The following EDC3 variants were observed in gnomAD, a reference collection of about 807,000 sequenced individuals.
The protein encoded by EDC3 is enhancer of mRNA decapping 3, also known as enhancer of mRNA-decapping protein 3.
Under a neutral mutation model 41.8 loss-of-function variants are expected in EDC3, and 20 were observed. The observed-to-expected ratio is 0.48, with a 90% CI of 0.34 to 0.70. The LOEUF is 0.70. Among genes scored for constraint, EDC3 ranks in the 30% least tolerant of loss-of-function variants. EDC3 has a pLI of 0.01. For synonymous variants in EDC3, 206 were observed against 243.2 expected (o/e 0.85, Z 1.42); for missense variants, 444 against 636.8 (o/e 0.70, Z 3.26).
At chr15:74,689,522 C>CTTTTTTTTTTTTTTTTT (rs938561821) in intron 1 of EDC3, among the ~76,000 whole-genome samples, 1 of 146,596 alleles carries the variant, frequency 6.8e-6, no homozygotes. Context: ...CCCTCCATTT[C>CTTTTTTTTTTTTTTTTT]TTTTTTTTTT....
intron 3 of EDC3, among the ~76,000 whole-genome samples, chr15:74,667,028 T>A (rs986706364): frequency 1.3e-5 from 2 of 152,164 alleles, no homozygotes; most frequent in African/African-American, 2.4e-5. Context: ...CACATTCTGT[T>A]TGATAGTCTC....
chr15:74,681,332 T>C (rs1207898880), intron 1 of EDC3, among the ~76,000 whole-genome samples: 1 of 152,098 alleles, frequency 6.6e-6, no homozygotes, highest in Non-Finnish European at 1.5e-5. Context: ...TTTGTATTTT[T>C]AGTAGAGACA....
chr15:74,673,763 C>T (rs1250708951), intron 2 of EDC3, among the ~76,000 whole-genome samples: 1 of 151,490 alleles, frequency 6.6e-6, no homozygotes, highest in African/African-American at 2.4e-5. Context: ...TGGCATGAAC[C>T]CGGGAGATGG....
intron 2 of EDC3, among the ~76,000 whole-genome samples, chr15:74,672,004 G>A (rs1258847030): frequency 7.9e-5 from 12 of 151,992 alleles, no homozygotes; most frequent in African/African-American, 2.9e-4. Context: ...GCTCACGCCT[G>A]TAATCCCAGC....
At chr15:74,657,399 C>T (rs570953768) in intron 3 of EDC3, among the ~76,000 whole-genome samples, 2 of 152,326 alleles carry the variant, frequency 1.3e-5, no homozygotes, top group South Asian at 4.1e-4. Flanking sequence ...GAGTTTGATC[C>T]CACTGGCACT....
At position 74,648,135 on chromosome 15, in the gene EDC3, G is replaced by A. The variant is rs970996828; in HGVS notation, c.821-7516C>T. On this transcript the variant is annotated intron_variant, in intron 4 of 6. Coordinates refer to ENST00000315127, the MANE Select transcript of EDC3 (RefSeq NM_025083.5). ...TGCAAGAGTACAACAGCTGCCAAAGGAGACCTCACTACCTCCAGGTAAAAT... is the reference window on the plus strand; with the variant it reads ...TGCAAGAGTACAACAGCTGCCAAAGAAGACCTCACTACCTCCAGGTAAAAT... 2.0e-5 allele frequency among the ~76,000 whole-genome samples: 3 copies of A among 152,176 alleles called. No individual in the cohort carries two copies. In the East Asian group the frequency reaches 5.8e-4, roughly 29 times the overall value.
Position 74,630,754 on chromosome 15 carries a change from G to C in EDC3, c.*1858C>G, listed in dbSNP as rs1431074449. On this transcript the variant is annotated 3_prime_UTR_variant, in exon 7 of 7. Transcript: ENST00000315127. ...GGGAAGGCCCAGGCTAAGGATGAGG[G>C]CAGGGACCAGTCCCAGTGCCCCCTG... 1 of 152,260 alleles carries C rather than the reference G, an allele frequency of 6.6e-6. No individual in the cohort carries two copies. The highest frequency in any genetic ancestry group is 1.5e-5 in the Non-Finnish European group (1 of 68,094). The allele number at this position is 152,260 out of a possible 1,614,324, so 9.4% of individuals were successfully genotyped here. A position where few individuals can be genotyped will look rare whatever the true frequency, so the allele number is the denominator to read the frequency against.
At chr15:74,674,909 A>T (rs2062784457) in intron 2 of EDC3, 52 bp downstream of exon 2, 1 of 1,604,978 alleles carries the variant, frequency 6.2e-7, no homozygotes, top group African/African-American at 1.3e-5. Flanking sequence ...ACCTAGGTTC[A>T]AGCTCCACAG....
intron 4 of EDC3, chr15:74,644,112 A>G (rs144261884): frequency 5.9e-5 from 9 of 152,276 alleles, no homozygotes; most frequent in Admixed American, 2.6e-4. Context: ...AGGATTTGTT[A>G]TAAGAAACCT....
chr15:74,667,382 G>T (rs2062686991), intron 3 of EDC3, among the ~76,000 whole-genome samples: 1 of 149,276 alleles, frequency 6.7e-6, no homozygotes, highest in African/African-American at 2.5e-5. Flanking sequence ...CAGCTATAAG[G>T]GTGACACCCA....
intron 4 of EDC3, chr15:74,640,840 G>A: frequency 1.7e-6 from 1 of 573,262 alleles, no homozygotes; most frequent in South Asian, 2.1e-5. Flanking sequence ...ACCACAGAGT[G>A]GGGACAAACT....
chr15:74,654,253 CA>C (rs61594463), intron 4 of EDC3, among the ~76,000 whole-genome samples: 29,335 of 96,580 alleles, frequency 0.3, 3,469 homozygotes, highest in East Asian at 0.57. Flanking sequence ...GACTTCGTCT[CA>C]AAAAAAAAAA....
intron 4 of EDC3, among the ~76,000 whole-genome samples, chr15:74,648,999 C>G (rs1386272486): frequency 6.6e-6 from 1 of 151,982 alleles, no homozygotes; most frequent in East Asian, 1.9e-4. Context: ...CTCAAGCAAT[C>G]CCCCAACCTG....
intron 2 of EDC3, among the ~76,000 whole-genome samples, chr15:74,672,226 G>A (rs1221153911): frequency 3.1e-5 from 4 of 130,238 alleles, no homozygotes; most frequent in Non-Finnish European, 6.2e-5. Flanking sequence ...CCGAGATCCC[G>A]CCACTGCACT....
rs991892242 is a variant in EDC3 at position 74,630,991 on chromosome 15, CAA to C, written c.*1619_*1620del. On this transcript the variant is annotated 3_prime_UTR_variant, in exon 7 of 7. Coordinates refer to ENST00000315127, the MANE Select transcript of EDC3 (RefSeq NM_025083.5). ...CCTAGACTGCTCCTCAGATTTTGGC[CAA>C]GAGAGGGCCCCGGCTTGGGAGCTGC... The C allele has an allele frequency of 6.6e-6, 1 of 152,198 alleles. No individual in the cohort carries two copies. The highest frequency in any genetic ancestry group is 2.4e-5 in the African/African-American group (1 of 41,434). 9.4% of individuals were successfully genotyped at this position (152,198 alleles called of 1,614,324 possible). A position where few individuals can be genotyped will look rare whatever the true frequency, so the allele number is the denominator to read the frequency against.
chr15:74,668,370 T>C (rs1465889666), intron 3 of EDC3, among the ~76,000 whole-genome samples: 1 of 152,104 alleles, frequency 6.6e-6, no homozygotes, highest in Non-Finnish European at 1.5e-5. Flanking sequence ...AAGTATACCA[T>C]ACAAATGTAA....
At chr15:74,646,074 T>G (rs2062414765) in intron 4 of EDC3, among the ~76,000 whole-genome samples, 1 of 150,584 alleles carries the variant, frequency 6.6e-6, no homozygotes, top group African/African-American at 2.4e-5. Flanking sequence ...GTTTTTTTTT[T>G]TTTTTTTTGA....
intron 3 of EDC3, among the ~76,000 whole-genome samples, chr15:74,668,431 A>G (rs1218056425): frequency 1.3e-5 from 2 of 152,234 alleles, no homozygotes; most frequent in African/African-American, 4.8e-5. Context: ...TGAATTGCTA[A>G]TAAGGGTCAT....
At chr15:74,687,952 A>G (rs1198230922) in intron 1 of EDC3, among the ~76,000 whole-genome samples, 1 of 152,242 alleles carries the variant, frequency 6.6e-6, no homozygotes, top group Non-Finnish European at 1.5e-5. Flanking sequence ...TGTGCATTCA[A>G]GTTTATATTA....
Sources: gnomAD v4.1 joint callset for allele counts (sites outside exome capture counted in the v4.1 genomes callset) on GRCh38, gnomAD v4.1.1 for gene constraint, MANE v1.5 for transcripts, NCBI Gene and HGNC (gene_info 2026-07-23, HGNC 2026-07-21) for gene names.